Variants in C2CD5 observed in about 807,000 individuals in gnomAD.
C2CD5 encodes the protein C2 calcium dependent domain containing 5.
A neutral mutation model predicts 130.3 loss-of-function variants in C2CD5; 109 were observed. The ratio of observed to expected loss-of-function variants is 0.84; its 90% CI spans 0.72 to 0.98. The LOEUF (loss-of-function observed/expected upper bound fraction) is 0.98. Among genes scored for constraint, C2CD5 ranks in the 50% least tolerant of loss-of-function variants. The pLI is 0.00. For missense variants in C2CD5, 996 were observed against 1,261.8 expected, an observed-to-expected ratio of 0.79 and a Z score of 3.19; for synonymous variants, 454 against 429.2, an observed-to-expected ratio of 1.06 and a Z score of -0.71.
At chr12:22,526,497 T>C (rs1950729286) in intron 4 of C2CD5, among the ~76,000 whole-genome samples, 1 of 152,214 alleles carries the variant, frequency 6.6e-6, no homozygotes, top group South Asian at 2.1e-4. Flanking sequence ...CCAGATTATA[T>C]ATTCTTAACA....
chr12:22,539,308 C>T (rs1361356938), intron 2 of C2CD5, among the ~76,000 whole-genome samples: 6 of 152,194 alleles, frequency 3.9e-5, no homozygotes. Context: ...AACTTCCTCT[C>T]TTGCCTTCTA....
chr12:22,484,688 C>A lies in C2CD5; in HGVS notation c.1550+9G>T, dbSNP rs777386070. 2 of 1,512,164 alleles carry A rather than the reference C, an allele frequency of 1.3e-6. No individual in the cohort carries two copies. Among genetic ancestry groups the A allele is most frequent in the South Asian group, 2.6e-5 (2 of 76,382 alleles). The allele number at this position is 1,512,164 out of a possible 1,614,324, so 93.7% of individuals were successfully genotyped here. A position where few individuals can be genotyped will look rare whatever the true frequency, so the allele number is the denominator to read the frequency against. ...TCAGGGACACCGAGTGTTGTTTTCA[C>A]AAACATACCTTGCTTGAATAAGACA... On this transcript the variant is annotated intron_variant, in intron 13 of 26. Transcript: ENST00000446597.
At chr12:22,527,217 A>G (rs1042181852) in intron 4 of C2CD5, among the ~76,000 whole-genome samples, 1 of 151,922 alleles carries the variant, frequency 6.6e-6, no homozygotes, top group Non-Finnish European at 1.5e-5. Context: ...AAATTTAGCA[A>G]GCATTATCTC....
chr12:22,495,590 C>T (rs1412661465), intron 10 of C2CD5, among the ~76,000 whole-genome samples: 1 of 151,612 alleles, frequency 6.6e-6, no homozygotes, highest in Non-Finnish European at 1.5e-5. Context: ...GAATGCAGCG[C>T]AAGTGGAGCA....
chr12:22,538,060 A>T (rs1238715593), intron 2 of C2CD5, among the ~76,000 whole-genome samples: 2 of 152,218 alleles, frequency 1.3e-5, no homozygotes, highest in Admixed American at 1.3e-4. Flanking sequence ...TTAATCAAAT[A>T]ACTTGGTTAA....
At chr12:22,513,925 AT>A (rs1485345523) in intron 8 of C2CD5, among the ~76,000 whole-genome samples, 3 of 152,122 alleles carry the variant, frequency 2.0e-5, no homozygotes, top group African/African-American at 7.2e-5. Flanking sequence ...AACAGTATTA[AT>A]TTCATACATG....
chr12:22,514,933 A>G (rs539641382), intron 8 of C2CD5: 3 of 970,356 alleles, frequency 3.1e-6, no homozygotes, highest in African/African-American at 3.5e-5. Context: ...TAAAGGGATT[A>G]AAAAGCTGAC....
In C2CD5 at chr12:22,507,147, G is replaced by A. The variant is rs968969115; in HGVS notation, c.1039-328C>T. ...CAACTCTGATGGAACTTCTCAATGA[G>A]ATGAGGGAACTGCCCTATCCCTCTT... On this transcript the variant is annotated intron_variant, in intron 9 of 26. Coordinates refer to ENST00000446597, the MANE Select transcript of C2CD5 (RefSeq NM_001286176.2). Among the ~76,000 whole-genome samples, 3 of 151,636 alleles carry A rather than the reference G, an allele frequency of 2.0e-5. No individual in the cohort carries two copies. The South Asian group carries it at 6.2e-4, about 31-fold the overall frequency.
chr12:22,533,068 C>T (rs1951461894), intron 3 of C2CD5, among the ~76,000 whole-genome samples: 1 of 151,914 alleles, frequency 6.6e-6, no homozygotes, highest in South Asian at 2.1e-4. Context: ...CTCTTCTGGG[C>T]GTTGAGGACA....
intron 22 of C2CD5, among the ~76,000 whole-genome samples, chr12:22,468,516 C>T (rs1368030995): frequency 6.6e-6 from 1 of 152,142 alleles, no homozygotes; most frequent in African/African-American, 2.4e-5. Flanking sequence ...ACAGGCCCGG[C>T]CCAAAGAAGA....
rs1939782284 is a variant in C2CD5, at chr12:22,456,011, C to G, written c.2877+960G>C. Among the ~76,000 whole-genome samples the G allele has an allele frequency of 2.0e-5, 3 of 152,130 alleles. No individual in the cohort carries two copies. The South Asian group carries it at 6.2e-4, about 31-fold the overall frequency. The stretch of plus-strand genomic sequence containing the variant: ...AATTTACCTTAAAGAAAACATCCAT[C>G]TAATTAATTAAATAATCTGTCAGAA... On this transcript the variant is annotated intron_variant, in intron 25 of 26. Transcript: ENST00000446597.
At chr12:22,506,686 AC>A in intron 10 of C2CD5, 24 bp downstream of exon 10, 1 of 1,232,722 alleles carries the variant, frequency 8.1e-7, no homozygotes, top group Non-Finnish European at 1.2e-6. Flanking sequence ...AATAAAGGAA[AC>A]ATTGAAACTT....
intron 6 of C2CD5, 92 bp from the exon 7 acceptor site, chr12:22,523,716 AC>A: frequency 1.1e-6 from 1 of 913,222 alleles, no homozygotes. Flanking sequence ...AAAAAAAAAG[AC>A]CAAGAAAATC....
intron 22 of C2CD5, among the ~76,000 whole-genome samples, chr12:22,464,157 A>C (rs2136088082): frequency 6.6e-6 from 1 of 152,316 alleles, no homozygotes; most frequent in African/African-American, 2.4e-5. Flanking sequence ...AGAAAGACAG[A>C]ACTAGCTTCA....
chr12:22,460,107 G>C (rs958591012), intron 22 of C2CD5, among the ~76,000 whole-genome samples: 1 of 152,120 alleles, frequency 6.6e-6, no homozygotes, highest in Non-Finnish European at 1.5e-5. Context: ...AAAAATGAGT[G>C]ATCACAGAGG....
chr12:22,493,134 C>A, intron 11 of C2CD5, 89 bp downstream of exon 11: 1 of 744,424 alleles, frequency 1.3e-6, no homozygotes, highest in Non-Finnish European at 2.2e-6. Flanking sequence ...CTTCGCTATT[C>A]TCTTTTCTTT....
chr12:22,488,277 C>T (rs1009945083), intron 12 of C2CD5, among the ~76,000 whole-genome samples: 9 of 151,964 alleles, frequency 5.9e-5, no homozygotes, highest in Non-Finnish European at 1.2e-4. Flanking sequence ...AAAATGACAG[C>T]TGACTTCAAG....
intron 10 of C2CD5, among the ~76,000 whole-genome samples, chr12:22,494,162 T>C (rs1946711762): frequency 6.6e-6 from 1 of 152,156 alleles, no homozygotes; most frequent in African/African-American, 2.4e-5. Context: ...CTGCAAATTA[T>C]AGTAACATTT....
At chr12:22,470,211 A>C (rs1591978856) in intron 21 of C2CD5, among the ~76,000 whole-genome samples, 1 of 152,126 alleles carries the variant, frequency 6.6e-6, no homozygotes, top group Admixed American at 6.6e-5. Flanking sequence ...AAATCTTATC[A>C]ATGCTATACA....
Sources: gnomAD v4.1 joint callset for allele counts (sites outside exome capture counted in the v4.1 genomes callset) on GRCh38, gnomAD v4.1.1 for gene constraint, MANE v1.5 for transcripts, NCBI Gene and HGNC (gene_info 2026-07-23, HGNC 2026-07-21) for gene names.